Variants in MCF2L2 observed in about 807,000 individuals in gnomAD.
MCF2L2 encodes MCF.2 cell line derived transforming sequence-like 2, also known as probable guanine nucleotide exchange factor MCF2L2.
A neutral mutation model predicts 150.2 loss-of-function variants in MCF2L2; 102 were observed. That is an observed-to-expected ratio of 0.68 (90% CI 0.58 to 0.80). MCF2L2 has a LOEUF of 0.80. Among genes scored for constraint, MCF2L2 ranks in the 30% least tolerant of loss-of-function variants. The pLI is 0.00. For synonymous variants in MCF2L2, 465 were observed against 491.3 expected (o/e 0.95, Z 0.71); for missense variants, 1,256 against 1,372.8 (o/e 0.91, Z 1.34).
At chr3:183,311,536 T>G in intron 8 of MCF2L2, 112 bp downstream of exon 8, 3 of 1,197,744 alleles carry the variant, frequency 2.5e-6, no homozygotes, top group Non-Finnish European at 3.5e-6. Flanking sequence ...TTCTTCTTCC[T>G]TGGCCCCACC....
chr3:183,377,811 C>T (rs10937127), intron 3 of MCF2L2: 15,367 of 152,174 alleles, frequency 0.1, 966 homozygotes, highest in African/African-American at 0.18. Flanking sequence ...CAGAGAAACA[C>T]CTGAGCAAAG....
Position 183,381,969 on chromosome 3 carries a change from G to A in MCF2L2, c.161-2558C>T, listed in dbSNP as rs148668438. On this transcript the variant is annotated intron_variant, in intron 2 of 29. Transcript: ENST00000328913. ...AGTAATTGCATAATCAACATTTGCT[G>A]AGGGACTGGCTAAAACATTTCAAGG... Among the ~76,000 whole-genome samples the A allele has an allele frequency of 2.9e-3, 438 of 152,252 alleles. 3 individuals are homozygous for A. The highest frequency in any genetic ancestry group is 0.01 in the African/African-American group (422 of 41,556).
chr3:183,212,290 C>T (rs1012599561), intron 22 of MCF2L2, among the ~76,000 whole-genome samples: 3 of 152,146 alleles, frequency 2.0e-5, no homozygotes, highest in African/African-American at 2.4e-5. Context: ...TGGTTCCTTG[C>T]GACATCAGCC....
chr3:183,300,123 T>C lies in MCF2L2; in HGVS notation c.1187A>G (p.Asp396Gly), dbSNP rs993328396. The C allele has an allele frequency of 1.3e-5, 21 of 1,613,940 alleles. No homozygotes were observed. The highest frequency in any genetic ancestry group is 1.7e-5 in the Non-Finnish European group (20 of 1,180,002). ...QLIQSHHYAA[D>G]AIRPRCVELR... ...CTCCACACACCGGGGCCTGATGGCA[T>C]CTGCTGCATAATGGTGGCTTTGGAT... Residue 396 changes from aspartate (D) to glycine (G), a missense_variant, in exon 11 of 30, where the codon GAT (aspartate) becomes GGT (glycine). By Grantham distance (94) the Asp-to-Gly change is moderately conservative. Transcript: ENST00000328913.
chr3:183,276,864 A>AG lies in MCF2L2; in HGVS notation c.1862+7dup. 2 of 1,602,820 alleles carry AG rather than the reference A, an allele frequency of 1.2e-6. No homozygotes were observed. The highest frequency in any genetic ancestry group is 1.7e-6 in the Non-Finnish European group (2 of 1,173,586). The stretch of plus-strand genomic sequence containing the variant: ...TCGCCCCCTGCACCCACGGATGTGC[A>AG]GTCTTACCTGCGGGGGGAAAGGTCT... On this transcript the variant is annotated splice_region_variant and intron_variant, in intron 15 of 29. Transcript: ENST00000328913.
intron 3 of MCF2L2, among the ~76,000 whole-genome samples, chr3:183,343,088 T>C (rs1376363013): frequency 6.6e-6 from 1 of 152,198 alleles, no homozygotes; most frequent in African/African-American, 2.4e-5. Flanking sequence ...TGTCATTAGA[T>C]ATATACTTGA....
chr3:183,197,939 T>C lies in MCF2L2; in HGVS notation c.2885-2684A>G, dbSNP rs543121415. Among the ~76,000 whole-genome samples, 3 of 152,340 alleles carry C rather than the reference T, an allele frequency of 2.0e-5. No homozygotes were observed. Among genetic ancestry groups the C allele is most frequent in the Non-Finnish European group, 2.9e-5 (2 of 68,028 alleles). On this transcript the variant is annotated intron_variant, in intron 25 of 29. Coordinates refer to ENST00000328913, the MANE Select transcript of MCF2L2 (RefSeq NM_015078.4). This position sits in a 1 kb window ranked among gnomAD's most constrained non-coding sequence, Gnocchi z 4.5. The stretch of plus-strand genomic sequence containing the variant: ...TTAAAAGACTGACAATACCAAGTAT[T>C]GGTGAGGACATGGCACAAGTGGAAC...
chr3:183,187,545 T>C (rs1200899902), intron 27 of MCF2L2, among the ~76,000 whole-genome samples: 1 of 152,208 alleles, frequency 6.6e-6, no homozygotes, highest in Non-Finnish European at 1.5e-5. Context: ...CTCAGCTCAC[T>C]GCAACCTCCG....
At chr3:183,210,597 T>G (rs1219405973) in intron 22 of MCF2L2, among the ~76,000 whole-genome samples, 1 of 152,148 alleles carries the variant, frequency 6.6e-6, no homozygotes, top group Non-Finnish European at 1.5e-5. Flanking sequence ...ATTTGGTCAG[T>G]GTGGAGGCTC....
chr3:183,249,372 G>A (rs888826904), intron 15 of MCF2L2, among the ~76,000 whole-genome samples: 9 of 152,220 alleles, frequency 5.9e-5, no homozygotes, highest in Admixed American at 1.3e-4. Flanking sequence ...TACTGGACCA[G>A]GGAGGGTCCC....
chr3:183,353,054 A>G (rs1263114319), intron 3 of MCF2L2, among the ~76,000 whole-genome samples: 1 of 152,232 alleles, frequency 6.6e-6, no homozygotes, highest in African/African-American at 2.4e-5. Context: ...ATGAGTTGGT[A>G]ATTGTTGAAG....
intron 22 of MCF2L2, among the ~76,000 whole-genome samples, chr3:183,209,748 C>T (rs1038741257): frequency 6.6e-6 from 1 of 152,172 alleles, no homozygotes; most frequent in African/African-American, 2.4e-5. Context: ...CTCAGCCTCC[C>T]AAAGTGCTGG....
chr3:183,391,431 G>T (rs1714141411), intron 1 of MCF2L2, among the ~76,000 whole-genome samples: 3 of 152,112 alleles, frequency 2.0e-5, no homozygotes, highest in Admixed American at 6.5e-5. Flanking sequence ...AAAGTTCAAA[G>T]AACTCCTTCG....
intron 25 of MCF2L2, among the ~76,000 whole-genome samples, chr3:183,196,346 A>G (rs1440564734): frequency 1.3e-5 from 2 of 152,182 alleles, no homozygotes; most frequent in Non-Finnish European, 2.9e-5. Flanking sequence ...ATGCTTAACA[A>G]TCCACAAAGG....
At chr3:183,351,232 ATATATT>A (rs1425042393) in intron 3 of MCF2L2, among the ~76,000 whole-genome samples, 45 of 82,778 alleles carry the variant, frequency 5.4e-4, no homozygotes, top group Admixed American at 7.3e-4. Context: ...ATATATATAT[ATATATT>A]TATTTATTTA....
At chr3:183,230,892 C>T in intron 16 of MCF2L2, 59 bp downstream of exon 16, 2 of 1,352,356 alleles carry the variant, frequency 1.5e-6, no homozygotes, top group East Asian at 2.3e-5. Flanking sequence ...TCTCTTTGTA[C>T]AACAAAACAT....
intron 11 of MCF2L2, 142 bp downstream of exon 11, chr3:183,299,863 G>T: frequency 1.1e-6 from 1 of 913,518 alleles, no homozygotes; most frequent in Non-Finnish European, 1.6e-6. Flanking sequence ...GATCTGCACA[G>T]TTTTTAATGC....
At chr3:183,192,136 T>TTTTATTTA (rs34932041) in intron 27 of MCF2L2, among the ~76,000 whole-genome samples, 31 of 146,896 alleles carry the variant, frequency 2.1e-4, no homozygotes, top group Non-Finnish European at 4.5e-4. Flanking sequence ...GGCATGAGTA[T>TTTTATTTA]TTTATTTATT....
At chr3:183,307,349 G>C (rs1729148236) in intron 10 of MCF2L2, among the ~76,000 whole-genome samples, 1 of 152,234 alleles carries the variant, frequency 6.6e-6, no homozygotes, top group African/African-American at 2.4e-5. Context: ...TGAGAAGTCT[G>C]AGGGAAGATA....
Sources: allele counts gnomAD v4.1 joint callset (sites outside exome capture counted in the v4.1 genomes callset), GRCh38; gene constraint gnomAD v4.1.1; non-coding constraint Gnocchi (gnomAD v3.1); transcripts MANE v1.5; gene names NCBI Gene and HGNC (gene_info 2026-07-23, HGNC 2026-07-21).